The following RGS17 variants were observed in gnomAD, a reference collection of about 807,000 sequenced individuals.
RGS17 encodes regulator of G-protein signaling 17.
Under a neutral mutation model 25.5 loss-of-function variants are expected in RGS17, and 12 were observed. That is an observed-to-expected ratio of 0.47 (90% confidence interval 0.30 to 0.76). The LOEUF is 0.76. Among genes scored for constraint, RGS17 ranks in the 30% least tolerant of loss-of-function variants. The pLI is 0.07. For missense variants in RGS17, 196 were observed against 242.2 expected (o/e 0.81, Z 1.27); for synonymous variants, 71 against 76.9 (o/e 0.92, Z 0.40).
At chr6:153,025,216 G>T (rs2129107032) in intron 3 of RGS17, among the ~76,000 whole-genome samples, 2 of 151,908 alleles carry the variant, frequency 1.3e-5, no homozygotes, top group Admixed American at 1.3e-4. Context: ...TGGGAGTTGA[G>T]GCAGGAGAAT....
rs999995676 is a variant in RGS17 at position 153,130,048 on chromosome 6, G to A, written c.-26+1076C>T. Among the ~76,000 whole-genome samples the A allele has an allele frequency of 6.6e-6, 1 of 152,196 alleles. No individual in the cohort carries two copies. The highest frequency in any genetic ancestry group is 1.9e-4 in the East Asian group (1 of 5,134). On this transcript the variant is annotated intron_variant, in intron 1 of 4. Transcript: ENST00000206262. The surrounding 1 kb of genome is among the most constrained non-coding windows in gnomAD (Gnocchi z 6.4). The stretch of plus-strand genomic sequence containing the variant: ...GCTGGCGCGGGCTGCCCGCGACAAG[G>A]TGCCAGCAGCCTCGGGCTCGCGAGG...
intron 2 of RGS17, among the ~76,000 whole-genome samples, chr6:153,032,484 G>A (rs888021887): frequency 2.6e-5 from 4 of 151,612 alleles, no homozygotes; most frequent in Non-Finnish European, 4.4e-5. Context: ...CCACTAGATG[G>A]CTGTGTTACC....
Position 153,026,515 on chromosome 6 carries a change from C to T in RGS17, c.148G>A (p.Glu50Lys), listed in dbSNP as rs1779304366. The T allele has an allele frequency of 1.9e-6, 3 of 1,613,402 alleles. No homozygotes were observed. Among genetic ancestry groups the T allele is most frequent in the Non-Finnish European group, 2.5e-6 (3 of 1,179,508 alleles). The change falls in exon 3 of 5, where the codon GAA becomes AAA. Residue 50 changes from glutamate to lysine, a missense_variant. This residue lies in a region of RGS17 where 179 missense variants were observed against 197.6 expected (regional missense o/e 0.91). Coordinates refer to ENST00000206262, the MANE Select transcript of RGS17 (RefSeq NM_012419.5). The stretch of plus-strand genomic sequence containing the variant: ...GTGTGTGTGGGTCTTCCCGCATTTT[C>T]CCCTCTTTCTTCATTCCTCACAGTG... ...CLTVRNEERG[E>K]NAGRPTHTTK... is the part of the protein sequence containing the mutation.
intron 1 of RGS17, among the ~76,000 whole-genome samples, chr6:153,116,122 A>T (rs1777539315): frequency 6.6e-6 from 1 of 152,244 alleles, no homozygotes; most frequent in African/African-American, 2.4e-5. Context: ...AACTATCATC[A>T]GAGTGAACAG....
intron 1 of RGS17, among the ~76,000 whole-genome samples, chr6:153,054,074 A>G (rs1363683739): frequency 3.2e-4 from 16 of 50,694 alleles, no homozygotes; most frequent in Non-Finnish European, 5.3e-4. Context: ...ATACATATAT[A>G]TATACACACA....
chr6:153,078,779 T>G (rs1226214996), intron 1 of RGS17, among the ~76,000 whole-genome samples: 1 of 152,076 alleles, frequency 6.6e-6, no homozygotes, highest in Admixed American at 6.6e-5. Flanking sequence ...GTAAAAAGAT[T>G]TATCTATATA....
chr6:153,076,283 T>C (rs1776877291), intron 1 of RGS17, among the ~76,000 whole-genome samples: 1 of 151,824 alleles, frequency 6.6e-6, no homozygotes. Context: ...ATAACAAAAA[T>C]ATATAAAAAT....
chr6:153,043,521 C>A (rs1261158218), intron 2 of RGS17, among the ~76,000 whole-genome samples: 2 of 151,066 alleles, frequency 1.3e-5, no homozygotes, highest in African/African-American at 4.9e-5. Context: ...ATACTACATG[C>A]AATATTACTA....
chr6:153,038,464 T>C (rs1207878031), intron 2 of RGS17, among the ~76,000 whole-genome samples: 2 of 152,272 alleles, frequency 1.3e-5, no homozygotes, highest in Admixed American at 1.3e-4. Flanking sequence ...GACTTCCGTA[T>C]TGCTACTTTG....
intron 1 of RGS17, among the ~76,000 whole-genome samples, chr6:153,086,594 G>C (rs1777057268): frequency 1.3e-5 from 2 of 152,150 alleles, no homozygotes; most frequent in African/African-American, 4.8e-5. Flanking sequence ...ATTGCTAATA[G>C]CAGCAGGCAA....
intron 1 of RGS17, among the ~76,000 whole-genome samples, chr6:153,111,575 C>T (rs955133916): frequency 6.6e-6 from 1 of 152,206 alleles, no homozygotes; most frequent in African/African-American, 2.4e-5. Flanking sequence ...TCTTCCAGCA[C>T]AGCACTTGAG....
At chr6:153,120,582 G>C (rs1035583600) in intron 1 of RGS17, among the ~76,000 whole-genome samples, 2 of 152,110 alleles carry the variant, frequency 1.3e-5, no homozygotes, top group African/African-American at 4.8e-5. Context: ...CCCCTGCATG[G>C]ACTGATGAAG....
chr6:153,105,409 T>G (rs1308647133), intron 1 of RGS17, among the ~76,000 whole-genome samples: 1 of 152,090 alleles, frequency 6.6e-6, no homozygotes, highest in Non-Finnish European at 1.5e-5. Context: ...CGCATCCTGC[T>G]GCCACCCCGG....
intron 1 of RGS17, among the ~76,000 whole-genome samples, chr6:153,047,931 T>C (rs1776405071): frequency 6.6e-6 from 1 of 152,200 alleles, no homozygotes; most frequent in South Asian, 2.1e-4. Context: ...CTTTGCAGTC[T>C]ACTTTCTTGT....
intron 1 of RGS17, among the ~76,000 whole-genome samples, chr6:153,053,501 C>A (rs1455755582): frequency 6.6e-6 from 1 of 152,110 alleles, no homozygotes; most frequent in African/African-American, 2.4e-5. Flanking sequence ...TTTACAGTTA[C>A]ATGAATTTGG....
chr6:153,013,312 T>C (rs1351879077), intron 4 of RGS17, among the ~76,000 whole-genome samples: 2 of 152,356 alleles, frequency 1.3e-5, no homozygotes, highest in Non-Finnish European at 2.9e-5. Flanking sequence ...ACCATGCCCA[T>C]ATAAGACTTA....
intron 3 of RGS17, among the ~76,000 whole-genome samples, 159 bp from the exon 4 acceptor site, chr6:153,024,655 T>TG (rs1457538268): frequency 3.3e-5 from 5 of 152,220 alleles, no homozygotes; most frequent in African/African-American, 1.2e-4. Context: ...AATAAGTATC[T>TG]GTCAGGACTA....
chr6:153,112,506 A>C (rs920801610), intron 1 of RGS17, among the ~76,000 whole-genome samples: 1 of 152,222 alleles, frequency 6.6e-6, no homozygotes, highest in Non-Finnish European at 1.5e-5. Flanking sequence ...TCTTCAGGAT[A>C]TTATCCAGGA....
At chr6:153,071,549 A>G (rs1584144147) in intron 1 of RGS17, among the ~76,000 whole-genome samples, 1 of 152,156 alleles carries the variant, frequency 6.6e-6, no homozygotes, top group African/African-American at 2.4e-5. Flanking sequence ...TAATAAAGTG[A>G]AAAAAACTTG....
Sources: gnomAD v4.1 joint callset for allele counts (sites outside exome capture counted in the v4.1 genomes callset) on GRCh38, gnomAD v4.1.1 for gene constraint, gnomAD v4.1.1 regional missense constraint, Gnocchi (gnomAD v3.1) non-coding constraint, MANE v1.5 for transcripts, NCBI Gene and HGNC (gene_info 2026-07-23, HGNC 2026-07-21) for gene names.